CAMSAP2: variants seen among roughly 807,000 people sequenced by gnomAD.
CAMSAP2 encodes calmodulin-regulated spectrin-associated protein 2.
In CAMSAP2, 26 loss-of-function variants were observed where a neutral mutation model predicts 146.1. That is an observed-to-expected ratio of 0.18 (90% CI 0.13 to 0.25). CAMSAP2 has a LOEUF of 0.25. CAMSAP2 is among the 10% of genes least tolerant of loss of function. The pLI is 1.00. For synonymous variants in CAMSAP2, 499 were observed against 596.6 expected (o/e 0.84, Z 2.38); for missense variants, 1,381 against 1,759.3 (o/e 0.78, Z 3.85).
chr1:200,767,917 A>C (rs987234336), intron 2 of CAMSAP2, among the ~76,000 whole-genome samples: 4 of 152,204 alleles, frequency 2.6e-5, no homozygotes, highest in Non-Finnish European at 5.9e-5. Context: ...ATGTTAGAGT[A>C]ACTCTTTATT....
intron 2 of CAMSAP2, among the ~76,000 whole-genome samples, chr1:200,768,854 A>G (rs1202239159): frequency 6.6e-6 from 1 of 152,014 alleles, no homozygotes; most frequent in Non-Finnish European, 1.5e-5. Context: ...GGGTTTCACC[A>G]TGTTAGCCAG....
At chr1:200,805,859 T>C (rs1031995405) in intron 2 of CAMSAP2, among the ~76,000 whole-genome samples, 1 of 152,182 alleles carries the variant, frequency 6.6e-6, no homozygotes, top group Non-Finnish European at 1.5e-5. Context: ...TTTACCTCTT[T>C]TAAGGAGTTT....
chr1:200,750,655 G>A (rs1426456961), intron 1 of CAMSAP2, among the ~76,000 whole-genome samples: 7 of 145,514 alleles, frequency 4.8e-5, no homozygotes, highest in Admixed American at 2.1e-4. Flanking sequence ...ACAGAGTTTC[G>A]CTCTTGTTGC....
chr1:200,751,597 G>T (rs1664510244), intron 1 of CAMSAP2, among the ~76,000 whole-genome samples: 1 of 150,504 alleles, frequency 6.6e-6, no homozygotes, highest in South Asian at 2.1e-4. Flanking sequence ...TAAAGGCAGG[G>T]ACCAGACTAC....
intron 13 of CAMSAP2, among the ~76,000 whole-genome samples, chr1:200,854,133 C>T (rs1360472562): frequency 1.3e-5 from 2 of 152,072 alleles, no homozygotes; most frequent in African/African-American, 4.8e-5. Flanking sequence ...GTGAGTGCCA[C>T]CATACCCAGC....
Position 200,857,279 on chromosome 1 carries a change from A to T in CAMSAP2, c.4013-27A>T. On this transcript the variant is annotated intron_variant, in intron 15 of 16. Coordinates refer to ENST00000358823, the MANE Select transcript of CAMSAP2 (RefSeq NM_203459.4). The surrounding 1 kb of genome is among the most constrained non-coding windows in gnomAD (Gnocchi z 4.7). The stretch of plus-strand genomic sequence containing the variant: ...TTTCTGACTTAGGAATGTTATTTTT[A>T]TTATTGTTGTTAAATCCCTACCATA... 7.4e-7 allele frequency: 1 copy of T among 1,348,372 alleles called. No homozygotes were observed. The highest frequency in any genetic ancestry group is 1.1e-6 in the Non-Finnish European group (1 of 942,970). 83.5% of individuals were successfully genotyped at this position (1,348,372 alleles called of 1,614,324 possible). A position where few individuals can be genotyped will look rare whatever the true frequency, so the allele number is the denominator to read the frequency against.
intron 4 of CAMSAP2, among the ~76,000 whole-genome samples, chr1:200,816,805 T>A (rs1479495480): frequency 5.2e-5 from 4 of 76,686 alleles, no homozygotes; most frequent in East Asian, 5.5e-4. Context: ...CACACACGCG[T>A]GTATATATGT....
At chr1:200,795,375 G>C (rs543162611) in intron 2 of CAMSAP2, among the ~76,000 whole-genome samples, 1 of 152,268 alleles carries the variant, frequency 6.6e-6, no homozygotes, top group East Asian at 1.9e-4. Flanking sequence ...TAATGAGTCA[G>C]CCTCTAAGGT....
chr1:200,811,503 G>A (rs932063241), intron 3 of CAMSAP2, among the ~76,000 whole-genome samples: 7 of 152,134 alleles, frequency 4.6e-5, no homozygotes, highest in African/African-American at 1.7e-4. Context: ...TTGAGGGTAA[G>A]GCCATATAAA....
At position 200,810,639 on chromosome 1, in the gene CAMSAP2, A is replaced by C. The variant is rs1402617327; in HGVS notation, c.561+3102A>C. Among the ~76,000 whole-genome samples, 3 of 151,580 alleles carry C rather than the reference A, an allele frequency of 2.0e-5. No individual in the cohort carries two copies. In the South Asian group the frequency reaches 6.3e-4, roughly 32 times the overall value. On this transcript the variant is annotated intron_variant, in intron 3 of 16. Coordinates refer to ENST00000358823, the MANE Select transcript of CAMSAP2 (RefSeq NM_203459.4). Reference sequence around the variant, plus strand: ...GGCGGTGACTCACGTCTGTAATCCCACTACTTTGGGAGGCTGAGGCTGATG... The same window carrying C: ...GGCGGTGACTCACGTCTGTAATCCCCCTACTTTGGGAGGCTGAGGCTGATG...
intron 1 of CAMSAP2, among the ~76,000 whole-genome samples, chr1:200,748,303 A>G (rs1664401498): frequency 6.6e-6 from 1 of 152,346 alleles, no homozygotes; most frequent in Admixed American, 6.5e-5. Context: ...TACGTGTATC[A>G]GTATGTATTT....
At chr1:200,837,823 CT>C (rs1667221989) in intron 6 of CAMSAP2, among the ~76,000 whole-genome samples, 1 of 151,966 alleles carries the variant, frequency 6.6e-6, no homozygotes, top group Non-Finnish European at 1.5e-5. Context: ...GTATTTTATT[CT>C]TTTTGTGCCA....
chr1:200,855,785 C>T (rs906018856), intron 14 of CAMSAP2, among the ~76,000 whole-genome samples: 17 of 152,004 alleles, frequency 1.1e-4, no homozygotes, highest in Non-Finnish European at 2.1e-4. Context: ...TTGGTAGAGA[C>T]GGGCTTTCAC....
chr1:200,839,066 G>A (rs899889945), intron 6 of CAMSAP2, among the ~76,000 whole-genome samples: 8 of 152,150 alleles, frequency 5.3e-5, no homozygotes, highest in Non-Finnish European at 1.0e-4. Flanking sequence ...GAAAATGCTC[G>A]GTAGGCCACT....
At chr1:200,836,887 C>G (rs1417197469) in intron 6 of CAMSAP2, among the ~76,000 whole-genome samples, 1 of 152,022 alleles carries the variant, frequency 6.6e-6, no homozygotes, top group Non-Finnish European at 1.5e-5. Context: ...GCGTGTATGT[C>G]TATGTCTTTT....
intron 6 of CAMSAP2, among the ~76,000 whole-genome samples, chr1:200,833,075 TA>T (rs939444463): frequency 4.0e-5 from 6 of 151,240 alleles, no homozygotes; most frequent in African/African-American, 1.5e-4. Context: ...AATAAATAAA[TA>T]AAATTTTAAA....
At chr1:200,841,580 C>A (rs925873062) in intron 6 of CAMSAP2, among the ~76,000 whole-genome samples, 1 of 152,070 alleles carries the variant, frequency 6.6e-6, no homozygotes, top group South Asian at 2.1e-4. Flanking sequence ...CATCCAGTTA[C>A]GTTTTGGAGA....
chr1:200,767,476 TC>T (rs1167075223), intron 2 of CAMSAP2, among the ~76,000 whole-genome samples: 25 of 108,596 alleles, frequency 2.3e-4, no homozygotes, highest in African/African-American at 7.8e-4. Context: ...GTGTTGTCCC[TC>T]TTTTTTTTTT....
chr1:200,741,034 A>G (rs191267147), intron 1 of CAMSAP2, among the ~76,000 whole-genome samples: 163 of 152,248 alleles, frequency 1.1e-3, no homozygotes, highest in Admixed American at 7.8e-3. Flanking sequence ...CTAATTTCCA[A>G]TTTTAGGACT....
Sources: gnomAD v4.1 joint callset for allele counts (sites outside exome capture counted in the v4.1 genomes callset) on GRCh38, gnomAD v4.1.1 for gene constraint, Gnocchi (gnomAD v3.1) non-coding constraint, MANE v1.5 for transcripts, NCBI Gene and HGNC (gene_info 2026-07-23, HGNC 2026-07-21) for gene names.